GALNT13: variants seen among roughly 807,000 people sequenced by gnomAD.
GALNT13 encodes UDP-GalNAc:polypeptide N-acetylgalactosaminyltransferase 13.
A neutral mutation model predicts 64.2 loss-of-function variants in GALNT13; 28 were observed. The ratio of observed to expected loss-of-function variants is 0.44; its 90% CI spans 0.32 to 0.60. The LOEUF (loss-of-function observed/expected upper bound fraction) is 0.60, where lower values mean the gene tolerates loss of function less well. GALNT13 is among the 20% of genes least tolerant of loss of function. GALNT13 has a pLI of 0.05. For missense variants in GALNT13, 577 were observed against 669.8 expected (o/e 0.86, Z 1.53); for synonymous variants, 214 against 224.6 (o/e 0.95, Z 0.42).
At chr2:153,127,043 A>G in the GALNT13 span, among the ~76,000 whole-genome samples, 2 of 152,192 alleles carry the variant, frequency 1.3e-5, no homozygotes, top group African/African-American at 4.8e-5. Flanking sequence ...CCAGAAATTA[A>G]AAGGATATGC....
chr2:154,316,096 T>TA (rs74347453), intron 9 of GALNT13, among the ~76,000 whole-genome samples: 2 of 151,688 alleles, frequency 1.3e-5, no homozygotes, highest in Admixed American at 6.6e-5. Context: ...TCAAAAAAAT[T>TA]AAAAAAAAAT....
chr2:154,306,142 T>TTTATTATTATTA (rs70983715), intron 9 of GALNT13, among the ~76,000 whole-genome samples: 3 of 151,222 alleles, frequency 2.0e-5, no homozygotes, highest in Admixed American at 6.6e-5. Context: ...ATAAATCTCT[T>TTTATTATTATTA]TTATTATTAT....
chr2:154,081,154 G>A (rs780735834), intron 3 of GALNT13, among the ~76,000 whole-genome samples: 1 of 151,472 alleles, frequency 6.6e-6, no homozygotes, highest in South Asian at 2.1e-4. Flanking sequence ...AAGTCATGAA[G>A]CCTGTAGACC....
chr2:153,497,251 G>A, the GALNT13 span, among the ~76,000 whole-genome samples: 3 of 151,890 alleles, frequency 2.0e-5, no homozygotes, highest in South Asian at 6.2e-4. Flanking sequence ...AATGTTGCTC[G>A]AACCTAAGGA....
chr2:154,264,104 T>A (rs1055894751), intron 8 of GALNT13, among the ~76,000 whole-genome samples: 2 of 152,120 alleles, frequency 1.3e-5, no homozygotes, highest in African/African-American at 4.8e-5. Context: ...GGGCAGAGCA[T>A]TGAAGAGATA....
intron 9 of GALNT13, among the ~76,000 whole-genome samples, chr2:154,322,144 C>CTTTTTT (rs70983718): frequency 1.2e-3 from 20 of 16,638 alleles, no homozygotes; most frequent in African/African-American, 2.6e-3. Flanking sequence ...AAAATATGTA[C>CTTTTTT]TTTTTTTTTT....
chr2:154,011,659 A>G (rs1478384976), intron 3 of GALNT13, among the ~76,000 whole-genome samples: 14 of 152,068 alleles, frequency 9.2e-5, no homozygotes, highest in Admixed American at 9.2e-4. Context: ...TAATATTGGC[A>G]GTGGGGTGTT....
At chr2:153,298,380 A>G in the GALNT13 span, among the ~76,000 whole-genome samples, 75 of 152,234 alleles carry the variant, frequency 4.9e-4, no homozygotes, top group Non-Finnish European at 8.1e-4. Flanking sequence ...TGCTCAAACC[A>G]TCTGTCATTG....
chr2:154,216,036 T>G (rs1688023914), intron 4 of GALNT13, among the ~76,000 whole-genome samples: 1 of 152,020 alleles, frequency 6.6e-6, no homozygotes, highest in South Asian at 2.1e-4. Context: ...TATTTTACAT[T>G]TGATATTTTC....
chr2:153,828,216 G>A, the GALNT13 span, among the ~76,000 whole-genome samples: 3 of 152,204 alleles, frequency 2.0e-5, no homozygotes, highest in Admixed American at 6.5e-5. Context: ...GGAGAATGGC[G>A]ATGGGCCTCT....
At chr2:154,298,772 A>G (rs1290299975) in intron 8 of GALNT13, among the ~76,000 whole-genome samples, 1 of 121,790 alleles carries the variant, frequency 8.2e-6, no homozygotes, top group African/African-American at 3.1e-5. Flanking sequence ...TATAAATTAT[A>G]TATTTATTTA....
At chr2:153,166,620 CATGTGTGTGT>C in the GALNT13 span, among the ~76,000 whole-genome samples, 19 of 72,662 alleles carry the variant, frequency 2.6e-4, no homozygotes, top group East Asian at 5.2e-3. Context: ...TTGCCTACTG[CATGTGTGTGT>C]GTGTGTGTGT....
At chr2:154,065,561 G>C (rs985611522) in intron 3 of GALNT13, among the ~76,000 whole-genome samples, 1 of 152,184 alleles carries the variant, frequency 6.6e-6, no homozygotes, top group African/African-American at 2.4e-5. Flanking sequence ...AAGAGAACAA[G>C]CATCTCTGCC....
the GALNT13 span, among the ~76,000 whole-genome samples, chr2:153,513,040 T>G: frequency 6.6e-6 from 1 of 152,230 alleles, no homozygotes; most frequent in African/African-American, 2.4e-5. Flanking sequence ...GACGATCTGT[T>G]GGATGCTTGA....
the GALNT13 span, among the ~76,000 whole-genome samples, chr2:153,264,486 T>C: frequency 6.6e-6 from 1 of 152,176 alleles, no homozygotes; most frequent in East Asian, 1.9e-4. Flanking sequence ...ATACATGCAC[T>C]TGTATGCTCA....
chr2:153,854,638 AG>A, the GALNT13 span, among the ~76,000 whole-genome samples: 2 of 152,128 alleles, frequency 1.3e-5, no homozygotes. Flanking sequence ...ACCTTTTCAA[AG>A]GCAACTTCAA....
At chr2:153,094,744 A>T in the GALNT13 span, among the ~76,000 whole-genome samples, 1 of 152,138 alleles carries the variant, frequency 6.6e-6, no homozygotes. Flanking sequence ...CACATCTATA[A>T]CCATCTGATC....
the GALNT13 span, among the ~76,000 whole-genome samples, chr2:153,226,655 C>T: frequency 4.6e-5 from 7 of 152,082 alleles, no homozygotes; most frequent in Non-Finnish European, 7.3e-5. Context: ...AACTGTCAAA[C>T]TTATCAAAAA....
intron 9 of GALNT13, 44 bp from the exon 10 acceptor site, chr2:154,395,947 C>A: frequency 1.3e-6 from 2 of 1,534,236 alleles, no homozygotes; most frequent in South Asian, 1.3e-5. Flanking sequence ...AGTACTAAAA[C>A]AAAAATAGCA....
Sources: allele counts gnomAD v4.1 joint callset (sites outside exome capture counted in the v4.1 genomes callset), GRCh38; gene constraint gnomAD v4.1.1; transcripts MANE v1.5; gene names NCBI Gene and HGNC (gene_info 2026-07-23, HGNC 2026-07-21).